DPP10: variants seen among roughly 807,000 people sequenced by gnomAD.
The protein encoded by DPP10 is inactive dipeptidyl peptidase 10.
A neutral mutation model predicts 120.9 loss-of-function variants in DPP10; 33 were observed. The observed-to-expected ratio is 0.27, with a 90% CI of 0.21 to 0.37. DPP10 has a LOEUF of 0.37. DPP10 is among the 10% of genes least tolerant of loss of function. The pLI is 1.00. For synonymous variants in DPP10, 337 were observed against 326.1 expected, an observed-to-expected ratio of 1.03 and a Z score of -0.36; for missense variants, 816 against 942.8, an observed-to-expected ratio of 0.87 and a Z score of 1.76.
chr2:115,705,913 A>G (rs2092086186), intron 7 of DPP10, among the ~76,000 whole-genome samples: 1 of 151,874 alleles, frequency 6.6e-6, no homozygotes, highest in African/African-American at 2.4e-5. Flanking sequence ...CAAGCAGCTC[A>G]TATCATTTAT....
chr2:114,850,460 TA>T (rs1413834741), intron 1 of DPP10, among the ~76,000 whole-genome samples: 1 of 152,242 alleles, frequency 6.6e-6, no homozygotes, highest in African/African-American at 2.4e-5. Flanking sequence ...TACTGCCAGT[TA>T]TTTTTTTAAT....
At chr2:115,013,716 C>T (rs1702430049) in intron 1 of DPP10, among the ~76,000 whole-genome samples, 1 of 142,600 alleles carries the variant, frequency 7.0e-6, no homozygotes, top group South Asian at 2.2e-4. Context: ...ATAAAACAGA[C>T]TTTAAACCAA....
chr2:115,837,791 A>T (rs1476313858), intron 24 of DPP10, among the ~76,000 whole-genome samples: 5 of 152,114 alleles, frequency 3.3e-5, no homozygotes, highest in Non-Finnish European at 5.9e-5. Flanking sequence ...CCAAATGAGG[A>T]AAATTCTATC....
chr2:114,489,466 C>A (rs906266013), intron 1 of DPP10, among the ~76,000 whole-genome samples: 1 of 152,186 alleles, frequency 6.6e-6, no homozygotes, highest in African/African-American at 2.4e-5. Context: ...AAATACCAAG[C>A]ACATGGAAAG....
chr2:114,470,180 T>G (rs1679790620), intron 1 of DPP10, among the ~76,000 whole-genome samples: 1 of 152,186 alleles, frequency 6.6e-6, no homozygotes. Context: ...TCAAAACCAT[T>G]GCTGTGTTGT....
intron 4 of DPP10, among the ~76,000 whole-genome samples, chr2:115,519,996 G>T (rs745404473): frequency 6.6e-6 from 1 of 152,162 alleles, no homozygotes; most frequent in Non-Finnish European, 1.5e-5. Context: ...AGATTGAGTA[G>T]TGAGGGAAGT....
At chr2:115,434,802 C>T (rs2071335054) in intron 3 of DPP10, among the ~76,000 whole-genome samples, 1 of 151,658 alleles carries the variant, frequency 6.6e-6, no homozygotes, top group African/African-American at 2.4e-5. Flanking sequence ...ATTTTTGTAA[C>T]CATTAACCAA....
chr2:114,501,975 C>T (rs1321972843), intron 1 of DPP10, among the ~76,000 whole-genome samples: 1 of 148,622 alleles, frequency 6.7e-6, no homozygotes, highest in East Asian at 1.9e-4. Flanking sequence ...TCAATCCATC[C>T]CCTAGGCTGG....
At chr2:115,531,978 A>G (rs968736696) in intron 5 of DPP10, among the ~76,000 whole-genome samples, 2 of 152,090 alleles carry the variant, frequency 1.3e-5, no homozygotes, top group East Asian at 3.9e-4. Flanking sequence ...GTACATTCCC[A>G]CTATGATATA....
intron 3 of DPP10, among the ~76,000 whole-genome samples, chr2:115,365,478 C>A (rs1488712200): frequency 6.6e-6 from 1 of 151,826 alleles, no homozygotes; most frequent in East Asian, 1.9e-4. Flanking sequence ...ATGCATTACT[C>A]AAAACATGCC....
chr2:115,739,470 C>G (rs1347518036), intron 8 of DPP10, among the ~76,000 whole-genome samples: 1 of 152,066 alleles, frequency 6.6e-6, no homozygotes, highest in Non-Finnish European at 1.5e-5. Flanking sequence ...CTGATTACTC[C>G]AGTAGTGCTT....
intron 1 of DPP10, among the ~76,000 whole-genome samples, chr2:115,102,258 C>T (rs893372485): frequency 6.6e-6 from 1 of 152,170 alleles, no homozygotes; most frequent in African/African-American, 2.4e-5. Flanking sequence ...ACAGGGGCTC[C>T]AACCCTCATG....
At chr2:115,239,549 C>CT (rs1414720054) in intron 1 of DPP10, among the ~76,000 whole-genome samples, 4 of 152,110 alleles carry the variant, frequency 2.6e-5, no homozygotes, top group South Asian at 2.1e-4. Flanking sequence ...GATATGTCCA[C>CT]TTTTTTTAGA....
intron 21 of DPP10, among the ~76,000 whole-genome samples, chr2:115,826,171 T>G (rs1688293467): frequency 6.6e-6 from 1 of 152,080 alleles, no homozygotes; most frequent in Non-Finnish European, 1.5e-5. Context: ...TCAGTTTGGG[T>G]TTGGTGACAT....
At chr2:115,242,469 A>G (rs2058332558) in intron 1 of DPP10, among the ~76,000 whole-genome samples, 1 of 152,152 alleles carries the variant, frequency 6.6e-6, no homozygotes, top group Non-Finnish European at 1.5e-5. Context: ...TGCTATAAGC[A>G]TGCGTGTGCA....
chr2:115,287,987 C>T (rs1479452021), intron 1 of DPP10, among the ~76,000 whole-genome samples: 1 of 152,010 alleles, frequency 6.6e-6, no homozygotes, highest in Non-Finnish European at 1.5e-5. Context: ...AATACACGTG[C>T]AAGTGTCTTT....
intron 1 of DPP10, among the ~76,000 whole-genome samples, chr2:114,696,587 T>G (rs754604190): frequency 7.2e-5 from 11 of 152,066 alleles, no homozygotes; most frequent in Non-Finnish European, 1.5e-4. Flanking sequence ...GGATATTATT[T>G]TATTACTACA....
intron 1 of DPP10, among the ~76,000 whole-genome samples, chr2:114,469,852 C>G (rs1679757323): frequency 6.6e-6 from 1 of 152,196 alleles, no homozygotes; most frequent in Non-Finnish European, 1.5e-5. Flanking sequence ...TAAAAGCTAG[C>G]TGCACAGAGC....
At chr2:115,004,241 G>A (rs62164471) in intron 1 of DPP10, among the ~76,000 whole-genome samples, 1 of 152,066 alleles carries the variant, frequency 6.6e-6, no homozygotes, top group Non-Finnish European at 1.5e-5. Context: ...ATAAGACGTG[G>A]TGTTTGATAT....
Sources: allele counts gnomAD v4.1 joint callset (sites outside exome capture counted in the v4.1 genomes callset), GRCh38; gene constraint gnomAD v4.1.1; transcripts MANE v1.5; gene names NCBI Gene and HGNC (gene_info 2026-07-23, HGNC 2026-07-21).